Variants in GDA observed in about 807,000 individuals in gnomAD.
The protein encoded by GDA is cytoplasmic PSD-95 interactor.
GDA carries 18 observed loss-of-function variants against 59.6 expected under a neutral mutation model. That is an observed-to-expected ratio of 0.30 (90% CI 0.21 to 0.45). The LOEUF is 0.45. GDA is among the 20% of genes least tolerant of loss of function. The probability of loss-of-function intolerance (pLI) is 1.00; values close to 1 mark genes in which losing one functional copy is unlikely to be tolerated. For missense variants in GDA, 427 were observed against 552.3 expected, an observed-to-expected ratio of 0.77 and a Z score of 2.27; for synonymous variants, 201 against 201.1, an observed-to-expected ratio of 1.00 and a Z score of 0.00.
rs781016341 is a variant in GDA at position 72,202,741 on chromosome 9, T to C, written c.383T>C (p.Val128Ala). 2 of 1,606,852 alleles carry C rather than the reference T, an allele frequency of 1.2e-6. No individual in the cohort carries two copies. Among genetic ancestry groups the C allele is most frequent in the African/African-American group, 1.3e-5 (1 of 74,816 alleles). Residue 128 changes from valine to alanine, a missense_variant and splice_region_variant, in exon 3 of 14, where the codon GTC becomes GCC. Coordinates refer to ENST00000358399, the MANE Select transcript of GDA (RefSeq NM_004293.5). ...GCAGAAGAAGTATATACCAGAGTTG[T>C]CGTAAGTATCTTGTGTGTGAGTGTG... is the stretch of plus-strand genomic sequence containing the variant. ...DFAEEVYTRVVRRTLKNGTTT... is the reference protein window; with the variant it reads ...DFAEEVYTRVARRTLKNGTTT...
chr9:72,180,967 T>G (rs1447901004), intron 1 of GDA, among the ~76,000 whole-genome samples: 1 of 152,236 alleles, frequency 6.6e-6, no homozygotes, highest in Non-Finnish European at 1.5e-5. Context: ...TGCCTTCGCT[T>G]CTTCTGTGGT....
chr9:72,255,521 A>T (rs1403233422), downstream of GDA, among the ~76,000 whole-genome samples: 1 of 152,204 alleles, frequency 6.6e-6, no homozygotes, highest in East Asian at 1.9e-4. Context: ...CCTGTCTCCT[A>T]CCTCAAAAGG....
At chr9:72,222,714 G>GTT (rs570700719) in intron 6 of GDA, among the ~76,000 whole-genome samples, 1 of 149,986 alleles carries the variant, frequency 6.7e-6, no homozygotes, top group Non-Finnish European at 1.5e-5. Context: ...TTGGTTTTTT[G>GTT]TTTTTTTTTG....
At chr9:72,132,275 G>C (rs1192753378) in intron 1 of GDA, among the ~76,000 whole-genome samples, 2 of 152,152 alleles carry the variant, frequency 1.3e-5, no homozygotes, top group Admixed American at 1.3e-4. Context: ...CCCAACCACG[G>C]TGGGGTGCCC....
chr9:72,117,653 G>A (rs1825503061), intron 1 of GDA, among the ~76,000 whole-genome samples: 1 of 152,142 alleles, frequency 6.6e-6, no homozygotes. Context: ...CTTTCCCAGA[G>A]GACATCCAGT....
At chr9:72,209,719 C>G (rs1227109700) in intron 3 of GDA, among the ~76,000 whole-genome samples, 1 of 152,066 alleles carries the variant, frequency 6.6e-6, no homozygotes, top group Admixed American at 6.6e-5. Flanking sequence ...GGAGGTATCA[C>G]TTGTTGATGG....
chr9:72,219,654 G>A, intron 6 of GDA, 148 bp downstream of exon 6: 1 of 527,286 alleles, frequency 1.9e-6, no homozygotes, highest in African/African-American at 2.0e-5. Flanking sequence ...GTGTCACTGT[G>A]GACTGTCACT....
intron 1 of GDA, among the ~76,000 whole-genome samples, chr9:72,115,468 T>C (rs1825404738): frequency 6.6e-6 from 1 of 152,218 alleles, no homozygotes; most frequent in Non-Finnish European, 1.5e-5. Context: ...CGTAGACTTC[T>C]CAATCCACAT....
chr9:72,213,627 C>A (rs1375880153), intron 4 of GDA, among the ~76,000 whole-genome samples: 2 of 151,552 alleles, frequency 1.3e-5, no homozygotes, highest in African/African-American at 2.4e-5. Context: ...CACGGTGAAA[C>A]CCCGTCTCTA....
chr9:72,157,337 A>C (rs1445084844), intron 1 of GDA, among the ~76,000 whole-genome samples: 1 of 152,200 alleles, frequency 6.6e-6, no homozygotes, highest in African/African-American at 2.4e-5. Context: ...CACGGTAGCC[A>C]GCCCAGACTT....
At chr9:72,236,376 C>G (rs2131722595) in intron 10 of GDA, among the ~76,000 whole-genome samples, 1 of 152,284 alleles carries the variant, frequency 6.6e-6, no homozygotes, top group Non-Finnish European at 1.5e-5. Context: ...TTTTCCAAGA[C>G]AGCGTTTTCT....
At chr9:72,140,154 G>A (rs1217852872) in intron 1 of GDA, among the ~76,000 whole-genome samples, 3 of 152,176 alleles carry the variant, frequency 2.0e-5, no homozygotes, top group Admixed American at 1.3e-4. Context: ...CGGCTATAAT[G>A]CTTTTGTTAT....
intron 1 of GDA, among the ~76,000 whole-genome samples, chr9:72,189,154 G>A (rs1056358317): frequency 6.8e-6 from 1 of 146,378 alleles, no homozygotes; most frequent in Non-Finnish European, 1.5e-5. Flanking sequence ...CTGATACAGA[G>A]GAGACTCTAG....
intron 1 of GDA, among the ~76,000 whole-genome samples, chr9:72,174,744 T>TTATA (rs146059487): frequency 6.2e-4 from 92 of 149,556 alleles, no homozygotes; most frequent in African/African-American, 1.5e-3. Context: ...ACTGTTGAGG[T>TTATA]TATATATATA....
At chr9:72,174,817 G>C (rs1830374360) in intron 1 of GDA, among the ~76,000 whole-genome samples, 1 of 152,066 alleles carries the variant, frequency 6.6e-6, no homozygotes. Context: ...CAGAGACAGA[G>C]TGGGGATGGG....
At chr9:72,146,245 A>G (rs191481868), upstream of GDA, among the ~76,000 whole-genome samples, 1 of 152,226 alleles carries the variant, frequency 6.6e-6, no homozygotes, top group Admixed American at 6.5e-5. Context: ...GATTCATAGC[A>G]TATGGGAGAG....
chr9:72,226,586 A>G (rs945322661), intron 8 of GDA, among the ~76,000 whole-genome samples: 1 of 152,234 alleles, frequency 6.6e-6, no homozygotes, highest in Non-Finnish European at 1.5e-5. Flanking sequence ...CTTGGCCTTC[A>G]ATGAAATGTA....
intron 10 of GDA, among the ~76,000 whole-genome samples, chr9:72,239,321 T>A (rs572963599): frequency 6.6e-6 from 1 of 152,312 alleles, no homozygotes; most frequent in South Asian, 2.1e-4. Context: ...TCATAAGGCA[T>A]CTCTCAATTT....
intron 1 of GDA, chr9:72,194,213 C>T (rs1007318275): frequency 6.6e-6 from 1 of 152,088 alleles, no homozygotes; most frequent in South Asian, 2.1e-4. Context: ...GAGTCTTGCC[C>T]CATAGCCACC....
Sources: allele counts gnomAD v4.1 joint callset (sites outside exome capture counted in the v4.1 genomes callset), GRCh38; gene constraint gnomAD v4.1.1; transcripts MANE v1.5; gene names NCBI Gene and HGNC (gene_info 2026-07-23, HGNC 2026-07-21).